Variants in PAK2 observed in about 807,000 individuals in gnomAD.
PAK2 encodes p21 (RAC1) activated kinase 2.
PAK2 carries 21 observed loss-of-function variants against 65.9 expected under a neutral mutation model. The ratio of observed to expected loss-of-function variants is 0.32; its 90% CI spans 0.23 to 0.46. PAK2 has a LOEUF of 0.46. Among genes scored for constraint, PAK2 ranks in the 20% least tolerant of loss-of-function variants. The pLI is 1.00. For missense variants in PAK2, 324 were observed against 642.6 expected (o/e 0.50, Z 5.36); for synonymous variants, 204 against 219.7 (o/e 0.93, Z 0.63).
At chr3:196,827,621 G>A (rs1308791486) in intron 14 of PAK2, among the ~76,000 whole-genome samples, 2 of 151,774 alleles carry the variant, frequency 1.3e-5, no homozygotes, top group African/African-American at 4.8e-5. Flanking sequence ...GGGGAGTGGG[G>A]AGGGATAGCA....
intron 1 of PAK2, among the ~76,000 whole-genome samples, chr3:196,767,730 G>A (rs748892522): frequency 6.6e-6 from 1 of 152,094 alleles, no homozygotes; most frequent in Non-Finnish European, 1.5e-5. Flanking sequence ...TCCTGACCTC[G>A]TGATCCGCCC....
intron 2 of PAK2, among the ~76,000 whole-genome samples, chr3:196,785,760 A>G (rs1577720577): frequency 6.6e-6 from 1 of 152,192 alleles, no homozygotes; most frequent in South Asian, 2.1e-4. Flanking sequence ...ATTATGGCGG[A>G]AGGCAAGGAG....
rs148778082 is a variant in PAK2, at chr3:196,816,878, A to G, written c.1054-1179A>G. Among the ~76,000 whole-genome samples, 20 of 152,266 alleles carry G rather than the reference A, an allele frequency of 1.3e-4. No homozygotes were observed. In the East Asian group the frequency reaches 3.7e-3, roughly 28 times the overall value. On this transcript the variant is annotated intron_variant, in intron 11 of 14. Coordinates refer to ENST00000327134, the MANE Select transcript of PAK2 (RefSeq NM_002577.4). ...CTCTCTGAAATATGGCATAAGAGGA[A>G]AGTTATTCTTGCATCATTCATGTCC...
intron 1 of PAK2, among the ~76,000 whole-genome samples, chr3:196,778,304 T>G (rs1052569134): frequency 1.3e-5 from 2 of 152,212 alleles, no homozygotes; most frequent in Non-Finnish European, 2.9e-5. Context: ...TTGATGGATA[T>G]TTGGGTTGTG....
intron 2 of PAK2, among the ~76,000 whole-genome samples, chr3:196,784,343 A>G (rs948099535): frequency 9.3e-6 from 1 of 108,106 alleles, no homozygotes; most frequent in African/African-American, 3.7e-5. Context: ...GTCATCTAGC[A>G]TTAGGTATAT....
At chr3:196,788,086 C>CTT (rs1209009556) in intron 2 of PAK2, among the ~76,000 whole-genome samples, 2 of 152,238 alleles carry the variant, frequency 1.3e-5, no homozygotes, top group African/African-American at 4.8e-5. Flanking sequence ...CTAACTGCTG[C>CTT]TTCTCTCGCT....
chr3:196,801,605 G>A (rs1425721491), intron 2 of PAK2, among the ~76,000 whole-genome samples: 1 of 152,042 alleles, frequency 6.6e-6, no homozygotes, highest in Non-Finnish European at 1.5e-5. Context: ...CACTTTGGGA[G>A]GCCAAGGCAG....
intron 1 of PAK2, among the ~76,000 whole-genome samples, chr3:196,776,873 G>A (rs1158345951): frequency 3.3e-5 from 5 of 152,178 alleles, no homozygotes; most frequent in Non-Finnish European, 7.3e-5. Context: ...CAGGTTTAGT[G>A]TAATACCAAA....
At position 196,832,481 on chromosome 3, in the gene PAK2, T is replaced by A. The variant is rs1016130910; in HGVS notation, c.*4076T>A. Reference sequence around the variant, plus strand: ...CTTTCAGGGCTAGAAATAAACTTTTTAAAAAAAGTGTGCATTTTTCCCTTT... The same window carrying A: ...CTTTCAGGGCTAGAAATAAACTTTTAAAAAAAAGTGTGCATTTTTCCCTTT... On this transcript the variant is annotated 3_prime_UTR_variant, in exon 15 of 15. Transcript: ENST00000327134. 6.6e-6 allele frequency: 1 copy of A among 152,092 alleles called. No individual in the cohort carries two copies. The allele number at this position is 152,092 out of a possible 1,614,324, so 9.4% of individuals were successfully genotyped here. A position where few individuals can be genotyped will look rare whatever the true frequency, so the allele number is the denominator to read the frequency against.
Position 196,782,659 on chromosome 3 carries a change from G to C in PAK2, c.13G>C (p.Gly5Arg). 6.3e-7 allele frequency: 1 copy of C among 1,589,550 alleles called. No individual in the cohort carries two copies. Among genetic ancestry groups the C allele is most frequent in the Non-Finnish European group, 8.6e-7 (1 of 1,166,602 alleles). Residue 5 changes from glycine to arginine, a missense_variant, in exon 2 of 15, where the codon GGA becomes CGA. By Grantham distance (125) the Gly-to-Arg change is moderately radical (BLOSUM62 -2). Transcript: ENST00000327134. MSDN[G>R]ELEDKPPAPP... ...ATAATTCTGAATCATGTCTGATAAC[G>C]GAGAACTGGAAGATAAGCCTCCAGC...
intron 8 of PAK2, among the ~76,000 whole-genome samples, chr3:196,811,317 T>TTCCCTCCCTTCCCTTCCCTCCCTTCCTTC (rs1560113878): frequency 7.8e-4 from 1 of 1,284 alleles, no homozygotes; most frequent in Non-Finnish European, 1.2e-3. Flanking sequence ...TCCCTTCCTT[T>TTCCCTCCCTTCCCTTCCCTCCCTTCCTTC]CCTTCCTTCC....
intron 1 of PAK2, among the ~76,000 whole-genome samples, chr3:196,751,624 G>A (rs1209950450): frequency 1.5e-5 from 2 of 136,990 alleles, no homozygotes. Context: ...TCCAGCCTGG[G>A]TGACAGAGCA....
At chr3:196,761,525 G>A (rs1577703235) in intron 1 of PAK2, among the ~76,000 whole-genome samples, 1 of 102,532 alleles carries the variant, frequency 9.8e-6, no homozygotes, top group Admixed American at 1.1e-4. Flanking sequence ...TCTTAGTGCA[G>A]AACAAAATGA....
At chr3:196,818,745 T>A (rs552148762) in intron 12 of PAK2, among the ~76,000 whole-genome samples, 1 of 152,306 alleles carries the variant, frequency 6.6e-6, no homozygotes, top group South Asian at 2.1e-4. Flanking sequence ...TGAATTAAAC[T>A]TTTGGATGAC....
At chr3:196,769,952 G>A (rs1172337670) in intron 1 of PAK2, among the ~76,000 whole-genome samples, 1 of 152,082 alleles carries the variant, frequency 6.6e-6, no homozygotes, top group Admixed American at 6.5e-5. Flanking sequence ...TCACTTGAGT[G>A]AAATTAATAC....
intron 1 of PAK2, among the ~76,000 whole-genome samples, chr3:196,742,332 C>T (rs1225547647): frequency 6.6e-6 from 1 of 152,134 alleles, no homozygotes; most frequent in Non-Finnish European, 1.5e-5. Flanking sequence ...AGGTCATCTG[C>T]CCGCCTCAGC....
intron 1 of PAK2, among the ~76,000 whole-genome samples, chr3:196,741,006 T>C (rs1466771187): frequency 6.6e-6 from 1 of 152,244 alleles, no homozygotes; most frequent in African/African-American, 2.4e-5. Context: ...CCCTGGGCAG[T>C]GTGAGCGTGA....
At chr3:196,742,690 G>C (rs893223390) in intron 1 of PAK2, among the ~76,000 whole-genome samples, 8 of 151,992 alleles carry the variant, frequency 5.3e-5, no homozygotes, top group Non-Finnish European at 1.5e-5. Flanking sequence ...CGAGGCGGGC[G>C]GATCACGAGG....
intron 2 of PAK2, among the ~76,000 whole-genome samples, chr3:196,798,349 CTT>C (rs35883501): frequency 1.4e-5 from 2 of 145,066 alleles, no homozygotes; most frequent in Admixed American, 6.9e-5. Flanking sequence ...TTTCTTTTCT[CTT>C]TTTTTTTTTG....
Sources: allele counts gnomAD v4.1 joint callset (sites outside exome capture counted in the v4.1 genomes callset), GRCh38; gene constraint gnomAD v4.1.1; transcripts MANE v1.5; gene names NCBI Gene and HGNC (gene_info 2026-07-23, HGNC 2026-07-21).